The following TMEM178B variants were observed in gnomAD, a reference collection of about 807,000 sequenced individuals.
The protein encoded by TMEM178B is transmembrane protein 178B.
TMEM178B carries 5 observed loss-of-function variants against 31.0 expected under a neutral mutation model. That is an observed-to-expected ratio of 0.16 (90% CI 0.08 to 0.34). TMEM178B has a LOEUF of 0.34. Among genes scored for constraint, TMEM178B ranks in the 10% least tolerant of loss-of-function variants. The pLI is 1.00. For missense variants in TMEM178B, 275 were observed against 400.3 expected (o/e 0.69, Z 2.67); for synonymous variants, 164 against 164.0 (o/e 1.00, Z 0.00).
At chr7:141,184,405 G>A (rs1344036502) in intron 1 of TMEM178B, among the ~76,000 whole-genome samples, 3 of 152,078 alleles carry the variant, frequency 2.0e-5, no homozygotes, top group Non-Finnish European at 2.9e-5. Context: ...AGTGTCTTAC[G>A]TGTTTCTAAA....
intron 1 of TMEM178B, among the ~76,000 whole-genome samples, chr7:141,206,623 C>T (rs1451644974): frequency 6.6e-6 from 1 of 152,154 alleles, no homozygotes; most frequent in South Asian, 2.1e-4. Flanking sequence ...TCCATATGGC[C>T]GCCCTTGCCA....
intron 2 of TMEM178B, among the ~76,000 whole-genome samples, chr7:141,305,002 T>C (rs796198770): frequency 7.2e-5 from 11 of 152,342 alleles, no homozygotes; most frequent in African/African-American, 2.6e-4. Flanking sequence ...AGAATAACTT[T>C]TCTGGTGTCT....
At chr7:141,150,613 C>T (rs1795956776) in intron 1 of TMEM178B, among the ~76,000 whole-genome samples, 1 of 152,206 alleles carries the variant, frequency 6.6e-6, no homozygotes, top group Non-Finnish European at 1.5e-5. Context: ...CCCCTGCTGT[C>T]ATGGAATGAA....
chr7:141,368,319 A>G (rs1800048690), intron 2 of TMEM178B, among the ~76,000 whole-genome samples: 1 of 152,208 alleles, frequency 6.6e-6, no homozygotes, highest in Non-Finnish European at 1.5e-5. Context: ...ACTCTGCTTC[A>G]AAAAGGAAAA....
chr7:141,167,063 T>C (rs1225845654), intron 1 of TMEM178B, among the ~76,000 whole-genome samples: 1 of 152,208 alleles, frequency 6.6e-6, no homozygotes, highest in Non-Finnish European at 1.5e-5. Context: ...GTGTGGCCTA[T>C]AGCTAGTCAT....
chr7:141,112,364 C>T (rs745542912), intron 1 of TMEM178B, among the ~76,000 whole-genome samples: 6 of 152,128 alleles, frequency 3.9e-5, no homozygotes, highest in Non-Finnish European at 8.8e-5. Context: ...GCAATCCTCT[C>T]ACCTCAGCCT....
chr7:141,428,954 G>T (rs1801371305), intron 2 of TMEM178B, among the ~76,000 whole-genome samples: 1 of 152,102 alleles, frequency 6.6e-6, no homozygotes, highest in Non-Finnish European at 1.5e-5. Flanking sequence ...TTCACTGCTG[G>T]TAACAAAACC....
intron 2 of TMEM178B, among the ~76,000 whole-genome samples, chr7:141,228,835 T>C (rs1048920257): frequency 3.3e-5 from 5 of 152,118 alleles, no homozygotes; most frequent in African/African-American, 1.2e-4. Flanking sequence ...ATTGATCAAC[T>C]TCGTCATCAT....
chr7:141,220,329 TAATA>T (rs943584349), intron 2 of TMEM178B, among the ~76,000 whole-genome samples: 21 of 37,296 alleles, frequency 5.6e-4, no homozygotes, highest in African/African-American at 2.9e-3. Flanking sequence ...ATAATAATAA[TAATA>T]ATAATAATAA....
chr7:141,078,319 C>G (rs1478940440), intron 1 of TMEM178B, among the ~76,000 whole-genome samples: 5 of 152,168 alleles, frequency 3.3e-5, no homozygotes, highest in African/African-American at 1.2e-4. Flanking sequence ...ATAAGTAGAA[C>G]TTCAACTGAT....
At chr7:141,121,011 A>G (rs1300786835) in intron 1 of TMEM178B, among the ~76,000 whole-genome samples, 1 of 151,518 alleles carries the variant, frequency 6.6e-6, no homozygotes, top group Non-Finnish European at 1.5e-5. Context: ...TCCTTCTGCT[A>G]TTTCTTGGAG....
chr7:141,239,228 T>C (rs1217179551), intron 2 of TMEM178B, among the ~76,000 whole-genome samples: 1 of 152,132 alleles, frequency 6.6e-6, no homozygotes, highest in Non-Finnish European at 1.5e-5. Flanking sequence ...GGGGATATCT[T>C]AGGTGGGTTC....
At chr7:141,433,499 T>G (rs1244640247) in intron 2 of TMEM178B, among the ~76,000 whole-genome samples, 1 of 152,192 alleles carries the variant, frequency 6.6e-6, no homozygotes, top group South Asian at 2.1e-4. Flanking sequence ...ATTTTCCCCA[T>G]CCTTGAAGAC....
rs1287682210 is a variant in TMEM178B, at chr7:141,216,318, G to A, written c.496+3614G>A. Reference sequence around the variant, plus strand: ...GCGCTCATACACCTTATGGTCGGGTGACTAGCAGGTGAAAGGGTAGAAGAT... The same window carrying A: ...GCGCTCATACACCTTATGGTCGGGTAACTAGCAGGTGAAAGGGTAGAAGAT... On this transcript the variant is annotated intron_variant, in intron 2 of 3. Transcript: ENST00000565468. Among the ~76,000 whole-genome samples, 3 of 152,154 alleles carry A rather than the reference G, an allele frequency of 2.0e-5. No individual in the cohort carries two copies. In the East Asian group the frequency reaches 5.8e-4, roughly 29 times the overall value.
At chr7:141,279,520 AGAGG>A (rs1350998137) in intron 2 of TMEM178B, among the ~76,000 whole-genome samples, 9 of 152,232 alleles carry the variant, frequency 5.9e-5, no homozygotes, top group African/African-American at 2.2e-4. Context: ...GTAAATAAGA[AGAGG>A]GATGGGGAGA....
At chr7:141,410,597 C>G (rs973788972) in intron 2 of TMEM178B, among the ~76,000 whole-genome samples, 1 of 150,704 alleles carries the variant, frequency 6.6e-6, no homozygotes, top group Non-Finnish European at 1.5e-5. Flanking sequence ...TGTAATAATC[C>G]ACCTACATCC....
intron 2 of TMEM178B, among the ~76,000 whole-genome samples, chr7:141,323,647 A>G (rs551768522): frequency 3.3e-5 from 5 of 152,300 alleles, no homozygotes; most frequent in South Asian, 2.1e-4. Flanking sequence ...TAGCATTTAT[A>G]TATTCAACAA....
Position 141,364,160 on chromosome 7 carries a change from C to T in TMEM178B, c.497-73448C>T, listed in dbSNP as rs115853604. Among the ~76,000 whole-genome samples the T allele has an allele frequency of 5.6e-3, 859 of 152,214 alleles. 6 individuals are homozygous for T. Among genetic ancestry groups the T allele is most frequent in the African/African-American group, 0.02 (827 of 41,546 alleles). On this transcript the variant is annotated intron_variant, in intron 2 of 3. Coordinates refer to ENST00000565468, the MANE Select transcript of TMEM178B (RefSeq NM_001195278.2). ...TTCTGCCTACAACAAAAAATGTGGCCTCTTTTCACTTGTCCTATGACTAAC... is the reference window on the plus strand; with the variant it reads ...TTCTGCCTACAACAAAAAATGTGGCTTCTTTTCACTTGTCCTATGACTAAC...
rs138939600 is a variant in TMEM178B at position 141,214,017 on chromosome 7, A to G, written c.496+1313A>G. Among the ~76,000 whole-genome samples, 248 of 152,338 alleles carry G rather than the reference A, an allele frequency of 1.6e-3. 1 individual carries two copies. Among genetic ancestry groups the G allele is most frequent in the African/African-American group, 5.6e-3 (232 of 41,570 alleles). ...ATTCCCATGTGCTGGCATTGAGCTA[A>G]GCATACCACATATTTAATTTCAATG... On this transcript the variant is annotated intron_variant, in intron 2 of 3. Transcript: ENST00000565468.
Sources: allele counts gnomAD v4.1 joint callset (sites outside exome capture counted in the v4.1 genomes callset), GRCh38; gene constraint gnomAD v4.1.1; transcripts MANE v1.5; gene names NCBI Gene and HGNC (gene_info 2026-07-23, HGNC 2026-07-21).